TBC1D12: variants seen among roughly 807,000 people sequenced by gnomAD.
TBC1D12 encodes TBC1 domain family, member 12.
In TBC1D12, 56 loss-of-function variants were observed where a neutral mutation model predicts 86.7. The observed-to-expected ratio is 0.65, with a 90% CI of 0.52 to 0.81. The LOEUF (loss-of-function observed/expected upper bound fraction) is 0.81. Among genes scored for constraint, TBC1D12 ranks in the 30% least tolerant of loss-of-function variants. TBC1D12 has a pLI of 0.00. For synonymous variants in TBC1D12, 421 were observed against 411.7 expected (o/e 1.02, Z -0.27); for missense variants, 1,023 against 1,038.8 (o/e 0.98, Z 0.21).
intron 3 of TBC1D12, 124 bp from the exon 4 acceptor site, chr10:94,493,241 C>T: frequency 1.4e-6 from 1 of 727,174 alleles, no homozygotes; most frequent in Non-Finnish European, 2.4e-6. Context: ...CCTTTCACTT[C>T]CTTAATGTAT....
rs2055192678 is a variant in TBC1D12 at position 94,429,892 on chromosome 10, C to T, written c.972-12004C>T. On this transcript the variant is annotated intron_variant, in intron 1 of 12. Coordinates refer to ENST00000225235, the MANE Select transcript of TBC1D12 (RefSeq NM_015188.2). ...GGGGCTTCAGGTGCGTGCCACCACG[C>T]CTGCCTAATTTTTGCATTTTGTTTG... Among the ~76,000 whole-genome samples, 2 of 152,076 alleles carry T rather than the reference C, an allele frequency of 1.3e-5. 1 individual carries two copies. Among genetic ancestry groups the T allele is most frequent in the Non-Finnish European group, 2.9e-5 (2 of 68,022 alleles).
At chr10:94,473,382 G>GA (rs201252877) in intron 2 of TBC1D12, among the ~76,000 whole-genome samples, 21 of 144,608 alleles carry the variant, frequency 1.5e-4, no homozygotes, top group Admixed American at 2.1e-4. Context: ...AGAAGAAAAA[G>GA]AAAAAAAAAA....
At chr10:94,414,370 A>G (rs1034585365) in intron 1 of TBC1D12, among the ~76,000 whole-genome samples, 1 of 152,224 alleles carries the variant, frequency 6.6e-6, no homozygotes, top group African/African-American at 2.4e-5. Flanking sequence ...ATTGCTGGAG[A>G]GAATAAATGT....
intron 11 of TBC1D12, among the ~76,000 whole-genome samples, chr10:94,529,958 G>T (rs995481956): frequency 1.3e-5 from 2 of 152,150 alleles, no homozygotes; most frequent in African/African-American, 4.8e-5. Flanking sequence ...TTAAATACGT[G>T]TTTGTAATTT....
chr10:94,478,473 C>G (rs552278742), intron 3 of TBC1D12, among the ~76,000 whole-genome samples: 1 of 152,194 alleles, frequency 6.6e-6, no homozygotes, highest in Admixed American at 6.5e-5. Context: ...CTTTGGGAGG[C>G]AGAGGCAGGG....
chr10:94,404,658 AAAAAAG>A lies in TBC1D12; in HGVS notation c.971+1079_971+1084del, dbSNP rs969060317. Among the ~76,000 whole-genome samples the A allele has an allele frequency of 5.3e-5, 8 of 152,114 alleles. No homozygotes were observed. In the South Asian group the frequency reaches 1.2e-3, roughly 24 times the overall value. On this transcript the variant is annotated intron_variant, in intron 1 of 12. Transcript: ENST00000225235. ...CGAAACTCCGTCTTTCAAAAAAAAA[AAAAAAG>A]AAAAGAAAGAAATTAAATTATGGTG...
At chr10:94,521,232 A>C (rs1002769212) in intron 9 of TBC1D12, among the ~76,000 whole-genome samples, 6 of 142,860 alleles carry the variant, frequency 4.2e-5, no homozygotes, top group East Asian at 1.9e-4. Flanking sequence ...AAAAAAAAAA[A>C]AAAAACAAAA....
At chr10:94,462,811 A>G (rs957812102) in intron 2 of TBC1D12, among the ~76,000 whole-genome samples, 7 of 151,992 alleles carry the variant, frequency 4.6e-5, no homozygotes, top group Admixed American at 4.6e-4. Flanking sequence ...TTCATTCATC[A>G]GTTTTACTAG....
chr10:94,419,673 A>G (rs1436998793), intron 1 of TBC1D12, among the ~76,000 whole-genome samples: 4 of 152,030 alleles, frequency 2.6e-5, no homozygotes, highest in Non-Finnish European at 5.9e-5. Context: ...TGTCTCAGGG[A>G]AAAAAAAGAC....
chr10:94,531,359 G>T lies in TBC1D12; in HGVS notation c.2158G>T (p.Ala720Ser). ...ILLQMDFIHI[A>S]QFLTKLPEDI... ...CCTGCAGATGGACTTTATTCATATA[G>T]CACAGTTTCTAACTAAATTGCCAGA... is the stretch of plus-strand genomic sequence containing the variant. The change falls in exon 12 of 13, where the codon GCA becomes TCA. Residue 720 changes from alanine (A) to serine (S), a missense_variant. This residue lies in a region of TBC1D12 where 395 missense variants were observed against 507.7 expected (regional missense o/e 0.78). Transcript: ENST00000225235. 6.2e-7 allele frequency: 1 copy of T among 1,614,132 alleles called. No homozygotes were observed. The highest frequency in any genetic ancestry group is 1.1e-5 in the South Asian group (1 of 91,080).
rs776687705 is a variant in TBC1D12, at chr10:94,402,611, C to T, written c.-3C>T. The T allele has an allele frequency of 6.2e-7, 1 of 1,611,392 alleles. No homozygotes were observed. Among genetic ancestry groups the T allele is most frequent in the Non-Finnish European group, 8.5e-7 (1 of 1,179,360 alleles). On this transcript the variant is annotated 5_prime_UTR_variant, in exon 1 of 13. Transcript: ENST00000225235. Reference sequence around the variant, plus strand: ...TCCTGGGGCGGCCGCCACCCACCCCCAGATGGTGGGTCCGGAGGATGCCGG... The same window carrying T: ...TCCTGGGGCGGCCGCCACCCACCCCTAGATGGTGGGTCCGGAGGATGCCGG...
At chr10:94,410,956 A>G (rs1369015949) in intron 1 of TBC1D12, among the ~76,000 whole-genome samples, 1 of 152,232 alleles carries the variant, frequency 6.6e-6, no homozygotes, top group Non-Finnish European at 1.5e-5. Flanking sequence ...ACAGTAGTGG[A>G]CCACAAATAT....
intron 12 of TBC1D12, among the ~76,000 whole-genome samples, 177 bp from the exon 13 acceptor site, chr10:94,532,851 G>A (rs1052397359): frequency 6.6e-6 from 1 of 152,014 alleles, no homozygotes; most frequent in Admixed American, 6.6e-5. Context: ...GTAAAAATTG[G>A]AATCTAATCA....
At chr10:94,406,772 G>T (rs566115905) in intron 1 of TBC1D12, among the ~76,000 whole-genome samples, 5 of 152,200 alleles carry the variant, frequency 3.3e-5, no homozygotes, top group African/African-American at 1.2e-4. Context: ...GCTTGTTTGG[G>T]ATGGAATCTT....
chr10:94,417,756 T>C (rs1192953030), intron 1 of TBC1D12, among the ~76,000 whole-genome samples: 14 of 151,442 alleles, frequency 9.2e-5, no homozygotes, highest in African/African-American at 3.4e-4. Flanking sequence ...TCTTCTTTTT[T>C]TTTTTTTTTT....
intron 11 of TBC1D12, among the ~76,000 whole-genome samples, chr10:94,523,532 CCTT>C (rs899571490): frequency 1.2e-4 from 19 of 152,114 alleles, no homozygotes; most frequent in African/African-American, 4.6e-4. Context: ...ATTTGATCTC[CCTT>C]CTTACATATT....
intron 2 of TBC1D12, among the ~76,000 whole-genome samples, chr10:94,468,073 A>G (rs1046175090): frequency 6.6e-6 from 1 of 152,194 alleles, no homozygotes; most frequent in African/African-American, 2.4e-5. Context: ...TTAATTTATC[A>G]TGGTCTACCT....
intron 1 of TBC1D12, among the ~76,000 whole-genome samples, chr10:94,410,159 A>G (rs2054911765): frequency 6.6e-6 from 1 of 152,180 alleles, no homozygotes; most frequent in African/African-American, 2.4e-5. Context: ...CAGATAAATA[A>G]TCTTTTATTT....
chr10:94,472,241 CA>C (rs1246143363), intron 2 of TBC1D12, among the ~76,000 whole-genome samples: 2 of 151,734 alleles, frequency 1.3e-5, no homozygotes, highest in Admixed American at 6.6e-5. Context: ...CCCATCTCTA[CA>C]AAAAAAAATT....
Sources: allele counts gnomAD v4.1 joint callset (sites outside exome capture counted in the v4.1 genomes callset), GRCh38; gene constraint gnomAD v4.1.1; regional missense constraint gnomAD v4.1.1; transcripts MANE v1.5; gene names NCBI Gene and HGNC (gene_info 2026-07-23, HGNC 2026-07-21).